The following BUB1B variants were observed in gnomAD, a reference collection of about 807,000 sequenced individuals.
The protein encoded by BUB1B is mitotic checkpoint serine/threonine-protein kinase BUB1 beta.
In BUB1B, 86 loss-of-function variants were observed where a neutral mutation model predicts 137.7. That is an observed-to-expected ratio of 0.62 (90% CI 0.52 to 0.75). The LOEUF is 0.75. BUB1B is among the 30% of genes least tolerant of loss of function. The probability of loss-of-function intolerance (pLI) is 0.00; values close to 1 mark genes in which losing one functional copy is unlikely to be tolerated. For synonymous variants in BUB1B, 420 were observed against 417.9 expected (o/e 1.00, Z -0.06); for missense variants, 1,130 against 1,236.9 (o/e 0.91, Z 1.30).
chr15:40,167,098 A>G (rs2037108311), intron 2 of BUB1B, among the ~76,000 whole-genome samples: 1 of 151,374 alleles, frequency 6.6e-6, no homozygotes, highest in Admixed American at 6.6e-5. Context: ...TTCTTTATAA[A>G]GTCTCTATAC....
intron 8 of BUB1B, among the ~76,000 whole-genome samples, chr15:40,188,379 G>A (rs1390088443): frequency 2.0e-5 from 3 of 151,870 alleles, no homozygotes; most frequent in Admixed American, 2.0e-4. Flanking sequence ...TTCCATGGAT[G>A]TTTTATTTGA....
intron 8 of BUB1B, among the ~76,000 whole-genome samples, chr15:40,188,058 T>C (rs1000763997): frequency 7.2e-5 from 11 of 152,240 alleles, no homozygotes; most frequent in South Asian, 2.1e-4. Flanking sequence ...ATTAAACTTA[T>C]TATTTTTGAG....
chr15:40,181,958 C>T (rs907131699), intron 5 of BUB1B, among the ~76,000 whole-genome samples: 3 of 152,332 alleles, frequency 2.0e-5, no homozygotes, highest in East Asian at 1.9e-4. Context: ...AATCCCAACA[C>T]GCTGGGAGGC....
chr15:40,219,985 A>T lies in BUB1B; in HGVS notation c.2958-579A>T, dbSNP rs550725420. Among the ~76,000 whole-genome samples the T allele has an allele frequency of 4.6e-5, 7 of 152,296 alleles. No individual in the cohort carries two copies. The East Asian group carries it at 7.7e-4, about 17-fold the overall frequency. On this transcript the variant is annotated intron_variant, in intron 22 of 22. Coordinates refer to ENST00000287598, the MANE Select transcript of BUB1B (RefSeq NM_001211.6). ...ATATAGGATGGATATAGGCATGTCC[A>T]CTTGGCTATGGTCCAGGCAGGTCTG...
At chr15:40,186,545 C>T (rs868302057) in intron 8 of BUB1B, among the ~76,000 whole-genome samples, 4 of 145,838 alleles carry the variant, frequency 2.7e-5, no homozygotes, top group Admixed American at 7.0e-5. Context: ...CCCAGGTTCA[C>T]GCCATTCTCC....
intron 22 of BUB1B, among the ~76,000 whole-genome samples, chr15:40,220,291 C>T (rs1034948133): frequency 6.6e-6 from 1 of 152,132 alleles, no homozygotes; most frequent in African/African-American, 2.4e-5. Flanking sequence ...AAGAAAAGTG[C>T]TATGTCTTAG....
At chr15:40,161,885 T>C (rs904533136) in intron 1 of BUB1B, among the ~76,000 whole-genome samples, 1 of 152,222 alleles carries the variant, frequency 6.6e-6, no homozygotes, top group Admixed American at 6.5e-5. Context: ...ATAAGTGCTA[T>C]GTCATGGGCT....
At chr15:40,173,460 T>G (rs530235976) in intron 4 of BUB1B, among the ~76,000 whole-genome samples, 16 of 152,258 alleles carry the variant, frequency 1.1e-4, no homozygotes, top group African/African-American at 3.4e-4. Flanking sequence ...TGAAGAAGAA[T>G]AATATCATGA....
intron 8 of BUB1B, among the ~76,000 whole-genome samples, chr15:40,193,894 A>T (rs1367074088): frequency 3.4e-5 from 4 of 116,216 alleles, no homozygotes; most frequent in African/African-American, 1.0e-4. Context: ...GATTCTGTCT[A>T]AAAAAAAAAA....
intron 8 of BUB1B, among the ~76,000 whole-genome samples, chr15:40,188,399 A>G (rs970502212): frequency 6.6e-6 from 1 of 151,822 alleles, no homozygotes; most frequent in African/African-American, 2.4e-5. Flanking sequence ...ACCTCTCCAC[A>G]CATTTTTCTT....
At chr15:40,218,321 G>A (rs2037829757) in intron 21 of BUB1B, 135 bp from the exon 22 acceptor site, 2 of 718,598 alleles carry the variant, frequency 2.8e-6, no homozygotes, top group South Asian at 3.1e-5. Context: ...TAAGGGTGAG[G>A]AACAGTCTAC....
Position 40,215,917 on chromosome 15 carries a change from AAAAAT to A in BUB1B, c.2679-1569_2679-1565del, listed in dbSNP as rs534525369. ...CAACATAGCAAGACCCTGTCTCTAC[AAAAAT>A]AAAATAAAAGCCAGAAAGAACCTTT... On this transcript the variant is annotated intron_variant, in intron 20 of 22. Transcript: ENST00000287598. Among the ~76,000 whole-genome samples the A allele has an allele frequency of 1.4e-3, 214 of 152,294 alleles. 1 individual carries two copies. Among genetic ancestry groups the A allele is most frequent in the African/African-American group, 5.0e-3 (207 of 41,560 alleles).
intron 22 of BUB1B, 41 bp from the exon 23 acceptor site, chr15:40,220,523 A>G (rs1451261365): frequency 2.5e-6 from 4 of 1,600,710 alleles, no homozygotes; most frequent in Admixed American, 1.7e-5. Flanking sequence ...TATAATTTTC[A>G]TATGCCTAAT....
chr15:40,202,092 C>T (rs549045670), intron 12 of BUB1B, among the ~76,000 whole-genome samples: 35 of 152,010 alleles, frequency 2.3e-4, no homozygotes, highest in Non-Finnish European at 3.5e-4. Flanking sequence ...TTTTAAAAAG[C>T]CTCTTTTAGA....
intron 15 of BUB1B, among the ~76,000 whole-genome samples, chr15:40,206,913 G>A (rs573121670): frequency 4.1e-4 from 62 of 152,156 alleles, no homozygotes; most frequent in Non-Finnish European, 5.6e-4. Context: ...GGGTTCAAGC[G>A]ATTCTCCTGC....
intron 6 of BUB1B, 124 bp from the exon 7 acceptor site, chr15:40,185,041 C>CTTTTTTTTT: frequency 1.7e-6 from 1 of 599,128 alleles, no homozygotes; most frequent in Non-Finnish European, 2.7e-6. Flanking sequence ...TTTAAAATTT[C>CTTTTTTTTT]TTTTTTTTTT....
chr15:40,186,874 CT>C (rs1156329437), intron 8 of BUB1B: 2 of 151,822 alleles, frequency 1.3e-5, no homozygotes, highest in Admixed American at 1.3e-4. Flanking sequence ...TGCCTAAGTG[CT>C]CAGGACAAGG....
intron 20 of BUB1B, 49 bp from the exon 21 acceptor site, chr15:40,217,447 T>G: frequency 1.9e-6 from 3 of 1,582,130 alleles, no homozygotes; most frequent in Non-Finnish European, 1.7e-6. Flanking sequence ...CTATGCAGCT[T>G]CTTTCATGGC....
Position 40,176,550 on chromosome 15 carries a change from A to G in BUB1B, c.458A>G (p.Gln153Arg), listed in dbSNP as rs776363221. 1 of 1,614,120 alleles carries G rather than the reference A, an allele frequency of 6.2e-7. No homozygotes were observed. The highest frequency in any genetic ancestry group is 1.1e-5 in the South Asian group (1 of 91,090). The change falls in exon 5 of 23, where the codon CAG (glutamine) becomes CGG (arginine). Residue 153 changes from glutamine (Q) to arginine (R), a missense_variant. Transcript: ENST00000287598. ...CAAGGGATTGGTGTTTCACTTGCTC[A>G]GTTCTATATCTCATGGGCAGAAGAA... ...HNQGIGVSLA[Q>R]FYISWAEEYE...
Sources: gnomAD v4.1 joint callset for allele counts (sites outside exome capture counted in the v4.1 genomes callset) on GRCh38, gnomAD v4.1.1 for gene constraint, MANE v1.5 for transcripts, NCBI Gene and HGNC (gene_info 2026-07-23, HGNC 2026-07-21) for gene names.